SNX24: variants seen among roughly 807,000 people sequenced by gnomAD.
SNX24 encodes sorting nexin-24.
In SNX24, 22 loss-of-function variants were observed where a neutral mutation model predicts 28.7. The ratio of observed to expected loss-of-function variants is 0.77; its 90% CI spans 0.55 to 1.10. SNX24 has a LOEUF of 1.10. SNX24 is among the 50% of genes least tolerant of loss of function. The pLI is 0.00. For synonymous variants in SNX24, 69 were observed against 71.5 expected (o/e 0.96, Z 0.18); for missense variants, 221 against 201.1 (o/e 1.10, Z -0.60).
At chr5:122,984,768 A>G (rs34707663) in intron 3 of SNX24, among the ~76,000 whole-genome samples, 33,931 of 152,178 alleles carry the variant, frequency 0.22, 4,831 homozygotes, top group Non-Finnish European at 0.33. Context: ...GACGTAGTGG[A>G]CTGTGTAAAA....
chr5:122,972,076 C>T (rs1760983254), intron 3 of SNX24, among the ~76,000 whole-genome samples: 1 of 152,204 alleles, frequency 6.6e-6, no homozygotes, highest in South Asian at 2.1e-4. Flanking sequence ...TAGACTGATT[C>T]CATCTTGATA....
chr5:122,845,745 C>T (rs1028984452), intron 1 of SNX24, 52 bp downstream of exon 1: 3 of 1,178,750 alleles, frequency 2.5e-6, no homozygotes, highest in Non-Finnish European at 2.2e-6. Flanking sequence ...CCTGCGGCTG[C>T]TGCGCCCAGG....
At chr5:123,028,925 C>G in intron 5 of SNX24, 1 of 1,397,640 alleles carries the variant, frequency 7.2e-7, no homozygotes, top group Non-Finnish European at 1.0e-6. Flanking sequence ...GAAAGATAAA[C>G]TCAGTGTTGA....
intron 3 of SNX24, among the ~76,000 whole-genome samples, chr5:122,967,626 T>A (rs964997973): frequency 6.6e-6 from 1 of 152,238 alleles, no homozygotes; most frequent in Middle Eastern, 3.2e-3. Flanking sequence ...ATAACAGTAC[T>A]TTCACAAGTT....
At chr5:122,850,706 G>A (rs1754872089) in intron 1 of SNX24, among the ~76,000 whole-genome samples, 2 of 151,584 alleles carry the variant, frequency 1.3e-5, no homozygotes, top group South Asian at 4.2e-4. Context: ...TTGGTGATGG[G>A]TATAGCTATT....
At chr5:122,996,949 A>G (rs1762071808) in intron 3 of SNX24, among the ~76,000 whole-genome samples, 1 of 152,198 alleles carries the variant, frequency 6.6e-6, no homozygotes. Flanking sequence ...AGCTTCAAGA[A>G]GGGGTGGTTC....
chr5:123,023,741 C>T (rs1436758212), intron 5 of SNX24: 10 of 1,298,608 alleles, frequency 7.7e-6, no homozygotes, highest in East Asian at 2.7e-5. Context: ...TATAACTTTC[C>T]TGTGATCTGG....
At chr5:123,019,895 T>A (rs949679551) in intron 5 of SNX24, among the ~76,000 whole-genome samples, 1 of 152,268 alleles carries the variant, frequency 6.6e-6, no homozygotes, top group East Asian at 1.9e-4. Flanking sequence ...GGCCTGACCC[T>A]TGGTGTACAA....
intron 3 of SNX24, among the ~76,000 whole-genome samples, chr5:122,955,060 A>C (rs1473920920): frequency 6.7e-6 from 1 of 148,932 alleles, no homozygotes; most frequent in Non-Finnish European, 1.5e-5. Context: ...CATTTTTCTC[A>C]GCCTATTTTT....
chr5:122,962,587 C>A (rs1190324068), intron 3 of SNX24, among the ~76,000 whole-genome samples: 2 of 152,150 alleles, frequency 1.3e-5, no homozygotes, highest in Non-Finnish European at 2.9e-5. Flanking sequence ...GTAGACAAGC[C>A]TGATGAAAGC....
At chr5:122,878,925 G>A (rs1404598604) in intron 1 of SNX24, among the ~76,000 whole-genome samples, 1 of 149,936 alleles carries the variant, frequency 6.7e-6, no homozygotes, top group African/African-American at 2.5e-5. Flanking sequence ...GCAATGAACT[G>A]TGATCCAGAC....
At chr5:122,945,178 A>G (rs1308279131) in intron 2 of SNX24, among the ~76,000 whole-genome samples, 1 of 152,134 alleles carries the variant, frequency 6.6e-6, no homozygotes, top group Non-Finnish European at 1.5e-5. Context: ...CTCCATCGTC[A>G]GAGTCAGAGA....
chr5:122,906,755 G>A (rs545093874), intron 1 of SNX24, among the ~76,000 whole-genome samples: 20 of 152,264 alleles, frequency 1.3e-4, no homozygotes, highest in East Asian at 1.9e-4. Flanking sequence ...TGATCCGCCC[G>A]CCTCGGACTC....
At chr5:122,884,915 T>A (rs1166801977) in intron 1 of SNX24, among the ~76,000 whole-genome samples, 4 of 152,182 alleles carry the variant, frequency 2.6e-5, no homozygotes, top group Non-Finnish European at 2.9e-5. Context: ...AAAATGCATT[T>A]GTACGAACAT....
chr5:123,007,628 A>C, intron 6 of SNX24, 54 bp from the exon 7 acceptor site: 1 of 1,466,922 alleles, frequency 6.8e-7, no homozygotes. Context: ...ATTTTGTTTC[A>C]CATAAGAAAA....
chr5:122,945,809 C>T (rs1040623572), intron 2 of SNX24, among the ~76,000 whole-genome samples: 1 of 152,064 alleles, frequency 6.6e-6, no homozygotes, highest in African/African-American at 2.4e-5. Flanking sequence ...GGATTTCAAT[C>T]TGAAATATCA....
intron 2 of SNX24, 41 bp from the exon 3 acceptor site, chr5:122,946,014 G>GTTT (rs574269067): frequency 7.5e-4 from 652 of 874,920 alleles, no homozygotes; most frequent in South Asian, 1.8e-3. Flanking sequence ...AGACATCTCT[G>GTTT]TTTTTTTTTT....
intron 5 of SNX24, among the ~76,000 whole-genome samples, chr5:123,017,484 C>T (rs1762699805): frequency 6.6e-6 from 1 of 150,634 alleles, no homozygotes; most frequent in Admixed American, 6.6e-5. Flanking sequence ...AGCTGAAAGG[C>T]AAGTCCAGTG....
chr5:122,982,609 C>T (rs1469820858), intron 3 of SNX24, among the ~76,000 whole-genome samples: 1 of 152,152 alleles, frequency 6.6e-6, no homozygotes. Flanking sequence ...AAGTTGTTAA[C>T]ACATAATGCC....
Sources: allele counts gnomAD v4.1 joint callset (sites outside exome capture counted in the v4.1 genomes callset), GRCh38; gene constraint gnomAD v4.1.1; transcripts MANE v1.5; gene names NCBI Gene and HGNC (gene_info 2026-07-23, HGNC 2026-07-21).